MYH6: variants seen among roughly 807,000 people sequenced by gnomAD.
MYH6 encodes myosin-6.
MYH6 carries 126 observed loss-of-function variants against 223.2 expected under a neutral mutation model. That is an observed-to-expected ratio of 0.56 (90% CI 0.49 to 0.65). The LOEUF (loss-of-function observed/expected upper bound fraction) is 0.65. Among genes scored for constraint, MYH6 ranks in the 30% least tolerant of loss-of-function variants. The probability of loss-of-function intolerance (pLI) is 0.00; values close to 1 mark genes in which losing one functional copy is unlikely to be tolerated. For synonymous variants in MYH6, 978 were observed against 1,010.2 expected (o/e 0.97, Z 0.61); for missense variants, 2,040 against 2,536.4 (o/e 0.80, Z 4.20).
Position 23,385,098 on chromosome 14 carries a change from C to T in MYH6, c.5164-57G>A, listed in dbSNP as rs1341677886. 2.5e-6 allele frequency: 4 copies of T among 1,608,652 alleles called. No homozygotes were observed. The African/African-American group carries it at 5.4e-5, about 22-fold the overall frequency. ...TATACTACACTTTGTTACCTGATTT[C>T]ATACCCTTTCTCCAGAAAGAATTAA... On this transcript the variant is annotated intron_variant, in intron 34 of 38. Coordinates refer to ENST00000405093, the MANE Select transcript of MYH6 (RefSeq NM_002471.4).
Position 23,383,334 on chromosome 14 carries a change from G to C in MYH6, c.5566-14C>G. On this transcript the variant is annotated splice_polypyrimidine_tract_variant and intron_variant, in intron 36 of 38. Coordinates refer to ENST00000405093, the MANE Select transcript of MYH6 (RefSeq NM_002471.4). ...GTCTTCCTCTGTCTGGGGGTGGGAGGGTGGGAGAAGCTGGTTTGGAGGGGG... is the reference window on the plus strand; with the variant it reads ...GTCTTCCTCTGTCTGGGGGTGGGAGCGTGGGAGAAGCTGGTTTGGAGGGGG... 2.0e-6 allele frequency: 1 copy of C among 496,012 alleles called. No homozygotes were observed. The highest frequency in any genetic ancestry group is 2.2e-5 in the Admixed American group (1 of 46,342). The allele number at this position is 496,012 out of a possible 1,614,324, so 30.7% of individuals were successfully genotyped here.
intron 19 of MYH6, 96 bp from the exon 20 acceptor site, chr14:23,396,516 A>G: frequency 6.4e-7 from 1 of 1,571,168 alleles, no homozygotes; most frequent in South Asian, 1.1e-5. Context: ...CCATCACCCC[A>G]TGCCTTCTAG....
In MYH6 at chr14:23,400,827, G is replaced by A. The variant is rs1286482909; in HGVS notation, c.1292C>T (p.Ala431Val). 1.2e-6 allele frequency: 2 copies of A among 1,614,080 alleles called. No individual in the cohort carries two copies. The highest frequency in any genetic ancestry group is 8.5e-7 in the Non-Finnish European group (1 of 1,180,050). The change falls in exon 13 of 39, where the codon GCA (alanine) becomes GTA (valine). Residue 431 changes from alanine (A) to valine (V), a missense_variant. Coordinates refer to ENST00000405093, the MANE Select transcript of MYH6 (RefSeq NM_002471.4). The stretch of plus-strand genomic sequence containing the variant: ...CCAGTTGAACATCTTCTCATACACT[G>A]CCTTGGCCAGAGCCCCGATGGAGTA... ...VYYSIGALAK[A>V]VYEKMFNWMV... is the part of the protein sequence containing the mutation.
chr14:23,401,110 G>T (rs746929239), intron 12 of MYH6, 133 bp from the exon 13 acceptor site: 4 of 1,428,514 alleles, frequency 2.8e-6, no homozygotes, highest in Non-Finnish European at 3.8e-6. Flanking sequence ...GGGTTCAAGT[G>T]ATTTTCCTGC....
At chr14:23,382,793 C>T (rs1890899906) in intron 37 of MYH6, among the ~76,000 whole-genome samples, 1 of 152,186 alleles carries the variant, frequency 6.6e-6, no homozygotes, top group African/African-American at 2.4e-5. Flanking sequence ...CCATGCTGCC[C>T]GATCTGGGCC....
chr14:23,393,426 C>T lies in MYH6; in HGVS notation c.3021G>A (p.Gln1007=), dbSNP rs774127327. The T allele has an allele frequency of 6.2e-7, 1 of 1,614,182 alleles. No homozygotes were observed. The highest frequency in any genetic ancestry group is 8.5e-7 in the Non-Finnish European group (1 of 1,180,036). The change falls in exon 23 of 39, where the codon CAG becomes CAA. Residue 1007 remains glutamine (Q), a synonymous_variant. Transcript: ENST00000405093. ...EKKALQEAHQ[Q]ALDDLQVEED... ...CCTCAACCTGAAGGTCATCCAGGGC[C>T]TGCTGATGGGCCTCTTGTAGAGCTT... is the stretch of plus-strand genomic sequence containing the variant.
intron 8 of MYH6, 122 bp from the exon 9 acceptor site, chr14:23,403,900 A>C: frequency 1.1e-6 from 1 of 890,484 alleles, no homozygotes; most frequent in Non-Finnish European, 1.8e-6. Flanking sequence ...TTGGTGTCTC[A>C]GTTGAGTATA....
chr14:23,405,458 C>T lies in MYH6; in HGVS notation c.346-79G>A. The T allele has an allele frequency of 1.2e-6, 2 of 1,608,426 alleles. No individual in the cohort carries two copies. Among genetic ancestry groups the T allele is most frequent in the Admixed American group, 1.7e-5 (1 of 59,844 alleles). On this transcript the variant is annotated intron_variant, in intron 4 of 38. Coordinates refer to ENST00000405093, the MANE Select transcript of MYH6 (RefSeq NM_002471.4). This position sits in a 1 kb window ranked among gnomAD's most constrained non-coding sequence, Gnocchi z 4.7. ...GCAGTGGTGGCAGCCAGGCATGTCC[C>T]TGTTCACTCCAGCTGGCTCTACTCC...
chr14:23,387,584 C>T lies in MYH6; in HGVS notation c.4595G>A (p.Arg1532His), dbSNP rs34330111. The change falls in exon 32 of 39, where the codon CGC becomes CAC. Residue 1532 changes from arginine (R) to histidine (H), a missense_variant. By Grantham distance (29) the Arg-to-His change is conservative. This residue lies in a region of MYH6 where 1,203 missense variants were observed against 1,400.2 expected (regional missense o/e 0.86). Transcript: ENST00000405093. ...CAGCTTCTCCACCTCCAGCTGTTTG[C>T]GGACCTTCTCCAGCTCATGCACATT... ...GKNVHELEKVRKQLEVEKLEL... is the reference protein window; with the variant it reads ...GKNVHELEKVHKQLEVEKLEL... The T allele has an allele frequency of 1.4e-5, 22 of 1,613,948 alleles. No individual in the cohort carries two copies. The highest frequency in any genetic ancestry group is 3.3e-5 in the South Asian group (3 of 91,080).
At chr14:23,382,734 T>C (rs1388558643) in intron 37 of MYH6, among the ~76,000 whole-genome samples, 172 bp from the exon 38 acceptor site, 1 of 152,180 alleles carries the variant, frequency 6.6e-6, no homozygotes, top group African/African-American at 2.4e-5. Context: ...TTCTCAAACA[T>C]GTCCAGCACT....
rs78650845 is a variant in MYH6 at position 23,391,068 on chromosome 14, A to G, written c.3343-622T>C. Reference sequence around the variant, plus strand: ...AGCAGGCTACTCTCCTCTTCACCTCATCTCCTTATCCTCTTTAAGTGCCCT... The same window carrying G: ...AGCAGGCTACTCTCCTCTTCACCTCGTCTCCTTATCCTCTTTAAGTGCCCT... On this transcript the variant is annotated intron_variant, in intron 25 of 38. Transcript: ENST00000405093. Among the ~76,000 whole-genome samples the G allele has an allele frequency of 7.2e-3, 1,101 of 152,136 alleles. 6 individuals carry two copies. The highest frequency in any genetic ancestry group is 0.023 in the African/African-American group (971 of 41,498).
In MYH6 at chr14:23,407,049, C is replaced by T. The variant is rs377029781; in HGVS notation, c.175G>A (p.Val59Ile). The T allele has an allele frequency of 1.2e-6, 2 of 1,614,244 alleles. No individual in the cohort carries two copies. The highest frequency in any genetic ancestry group is 1.7e-6 in the Non-Finnish European group (2 of 1,180,056). The stretch of plus-strand genomic sequence containing the variant: ...TTCCCATTCTCGGTTTCAGCAATGA[C>T]CTTGCCTCCCTCCCGGGACAAAATC... ...AKILSREGGKVIAETENGKTV... is the reference protein window; with the variant it reads ...AKILSREGGKIIAETENGKTV... Residue 59 changes from valine to isoleucine, a missense_variant, in exon 3 of 39, where the codon GTC becomes ATC. Physicochemically the swap from Val to Ile is conservative, Grantham distance 29. Coordinates refer to ENST00000405093, the MANE Select transcript of MYH6 (RefSeq NM_002471.4). This position sits in a 1 kb window ranked among gnomAD's most constrained non-coding sequence, Gnocchi z 5.6.
intron 38 of MYH6, 106 bp from the exon 39 acceptor site, chr14:23,382,169 G>T: frequency 8.2e-7 from 1 of 1,223,440 alleles, no homozygotes; most frequent in Non-Finnish European, 1.2e-6. Flanking sequence ...CCCTTGGAGG[G>T]AGAGGCAGGG....
At chr14:23,397,812 G>T (rs908552449) in intron 15 of MYH6, among the ~76,000 whole-genome samples, 199 bp from the exon 16 acceptor site, 7 of 152,188 alleles carry the variant, frequency 4.6e-5, no homozygotes, top group Admixed American at 3.3e-4. Context: ...CTGTAGGGCA[G>T]CTCACTGGTG....
chr14:23,390,523 A>G, intron 25 of MYH6, 77 bp from the exon 26 acceptor site: 3 of 1,563,080 alleles, frequency 1.9e-6, no homozygotes, highest in Middle Eastern at 1.8e-4. Context: ...AAAAGCTACC[A>G]GGAACTTAGG....
chr14:23,391,515 A>G (rs1276206641), intron 25 of MYH6, among the ~76,000 whole-genome samples: 1 of 152,206 alleles, frequency 6.6e-6, no homozygotes, highest in Non-Finnish European at 1.5e-5. Context: ...ATTACTAATG[A>G]AGGCGGGCCA....
chr14:23,397,686 G>T, intron 15 of MYH6, 73 bp from the exon 16 acceptor site: 1 of 1,480,502 alleles, frequency 6.8e-7, no homozygotes, highest in Non-Finnish European at 9.4e-7. Context: ...GCAGAGCTCT[G>T]CTGCTCGCTT....
intron 9 of MYH6, 47 bp from the exon 10 acceptor site, chr14:23,403,493 T>C (rs757850960): frequency 6.5e-7 from 1 of 1,543,596 alleles, no homozygotes; most frequent in Non-Finnish European, 9.0e-7. Flanking sequence ...GGAAAGAGAG[T>C]AGAGCCAGAA....
chr14:23,396,654 C>A, intron 19 of MYH6, 40 bp downstream of exon 19: 1 of 1,614,018 alleles, frequency 6.2e-7, no homozygotes, highest in East Asian at 2.2e-5. Context: ...CTCAACATGG[C>A]CACCTGCCCT....
Sources: gnomAD v4.1 joint callset for allele counts (sites outside exome capture counted in the v4.1 genomes callset) on GRCh38, gnomAD v4.1.1 for gene constraint, gnomAD v4.1.1 regional missense constraint, Gnocchi (gnomAD v3.1) non-coding constraint, MANE v1.5 for transcripts, NCBI Gene and HGNC (gene_info 2026-07-23, HGNC 2026-07-21) for gene names.